The following DOK2 variants were observed in gnomAD, a reference collection of about 807,000 sequenced individuals.
DOK2 encodes the protein docking protein 2, 56kD.
DOK2 carries 28 observed loss-of-function variants against 26.0 expected under a neutral mutation model. The ratio of observed to expected loss-of-function variants is 1.08; its 90% CI spans 0.80 to 1.48. The LOEUF (loss-of-function observed/expected upper bound fraction) is 1.48. Among genes scored for constraint, DOK2 ranks in the 40% most tolerant of loss-of-function variants. DOK2 has a pLI of 0.00. For synonymous variants in DOK2, 282 were observed against 236.9 expected (o/e 1.19, Z -1.75); for missense variants, 682 against 558.2 (o/e 1.22, Z -2.23).
Position 21,910,706 on chromosome 8 carries a change from G to C in DOK2, c.585C>G (p.Pro195=), listed in dbSNP as rs550676966. 5.8e-5 allele frequency: 93 copies of C among 1,614,062 alleles called. No homozygotes were observed. The highest frequency in any genetic ancestry group is 7.5e-5 in the Non-Finnish European group (88 of 1,180,038). The change falls in exon 4 of 5, where the codon CCC becomes CCG. Residue 195 remains proline (P), a synonymous_variant. Transcript: ENST00000276420. ...PEPGTQLYDW[P]YRFLRRFGRD... is the part of the protein sequence containing the mutation. ...GCCCAAAGCGCCGCAGAAACCTGTA[G>C]GGCCAGTCGTACAGCTGGGTCCCTG...
rs1298586622 is a variant in DOK2, at chr8:21,908,936, C to T, written c.*375G>A. 6 of 179,522 alleles carry T rather than the reference C, an allele frequency of 3.3e-5. No individual in the cohort carries two copies. The highest frequency in any genetic ancestry group is 6.9e-5 in the Non-Finnish European group (6 of 86,706). The allele number at this position is 179,522 out of a possible 1,614,324, so 11.1% of individuals were successfully genotyped here. Reference sequence around the variant, plus strand: ...AGGTGCAGGAAGCTGCCGCCATCCCCCTGGGTGCCTGGGCCCAGGCTGTCC... The same window carrying T: ...AGGTGCAGGAAGCTGCCGCCATCCCTCTGGGTGCCTGGGCCCAGGCTGTCC... On this transcript the variant is annotated 3_prime_UTR_variant, in exon 5 of 5. Transcript: ENST00000276420.
chr8:21,912,667 A>G, intron 1 of DOK2, 157 bp from the exon 2 acceptor site: 1 of 705,754 alleles, frequency 1.4e-6, no homozygotes. Flanking sequence ...CCAGGGAGGC[A>G]GAGAAGAGGA....
intron 1 of DOK2, among the ~76,000 whole-genome samples, chr8:21,913,280 A>T (rs1213104818): frequency 6.6e-6 from 1 of 152,168 alleles, no homozygotes; most frequent in Non-Finnish European, 1.5e-5. Flanking sequence ...GAGGCAAGAG[A>T]TGAAAGCAGC....
Position 21,912,045 on chromosome 8 carries a change from C to T in DOK2, c.346-57G>A, listed in dbSNP as rs138692748. 4.4e-4 allele frequency: 664 copies of T among 1,519,528 alleles called. 3 individuals carry two copies. The African/African-American group carries it at 8.0e-3, about 18-fold the overall frequency. 94.1% of individuals were successfully genotyped at this position (1,519,528 alleles called of 1,614,324 possible). On this transcript the variant is annotated intron_variant, in intron 2 of 4. Coordinates refer to ENST00000276420, the MANE Select transcript of DOK2 (RefSeq NM_003974.4). ...CCCCGATCCCCAGGCCCCCCTCTGG[C>T]CCAGGCCTTCTTTCAGGCCACCTCA...
chr8:21,912,222 G>C lies in DOK2; in HGVS notation c.345+7C>G, dbSNP rs574468600. ...CCCTTGCCCTTTCCGCACCCCGCGC[G>C]ACTCACGGGGAAGGCCAGGAGGCAG... On this transcript the variant is annotated splice_region_variant and intron_variant, in intron 2 of 4. Coordinates refer to ENST00000276420, the MANE Select transcript of DOK2 (RefSeq NM_003974.4). The C allele has an allele frequency of 1.2e-5, 19 of 1,552,240 alleles. No homozygotes were observed. The highest frequency in any genetic ancestry group is 1.6e-5 in the Non-Finnish European group (18 of 1,152,160).
At chr8:21,912,728 G>A (rs186664640) in intron 1 of DOK2, among the ~76,000 whole-genome samples, 2 of 152,362 alleles carry the variant, frequency 1.3e-5, no homozygotes, top group African/African-American at 2.4e-5. Flanking sequence ...GCCCCGAGAA[G>A]GAGGCCCACG....
chr8:21,909,428 A>T lies in DOK2; in HGVS notation c.1122T>A (p.Ala374=). 1.2e-6 allele frequency: 2 copies of T among 1,612,908 alleles called. No homozygotes were observed. The highest frequency in any genetic ancestry group is 1.7e-6 in the Non-Finnish European group (2 of 1,179,206). Reference sequence around the variant, plus strand: ...GCTGGAGGCCAGCAGGGTCCCTGTCAGCTGTCGCCTGCCTCCTCCATGCCT... The same window carrying T: ...GCTGGAGGCCAGCAGGGTCCCTGTCTGCTGTCGCCTGCCTCCTCCATGCCT... ...RGEAWRRQAT[A]DRDPAGLQHV... is the part of the protein sequence containing the mutation. The change falls in exon 5 of 5, where the codon GCT becomes GCA. Residue 374 remains alanine, a synonymous_variant. Coordinates refer to ENST00000276420, the MANE Select transcript of DOK2 (RefSeq NM_003974.4).
Position 21,910,687 on chromosome 8 carries a change from A to C in DOK2, c.604T>G (p.Phe202Val). Residue 202 changes from phenylalanine to valine, a missense_variant, in exon 4 of 5, where the codon TTT (phenylalanine) becomes GTT (valine). By Grantham distance (50) the Phe-to-Val change is conservative (BLOSUM62 -1). Coordinates refer to ENST00000276420, the MANE Select transcript of DOK2 (RefSeq NM_003974.4). Reference protein sequence around the residue: ...YDWPYRFLRRFGRDKVTFSFE... With the variant: ...YDWPYRFLRRVGRDKVTFSFE... ...TTCCCACTCACCTTGTCCCGCCCAA[A>C]GCGCCGCAGAAACCTGTAGGGCCAG... is the stretch of plus-strand genomic sequence containing the variant. The C allele has an allele frequency of 6.2e-7, 1 of 1,613,928 alleles. No individual in the cohort carries two copies. Among genetic ancestry groups the C allele is most frequent in the East Asian group, 2.2e-5 (1 of 44,860 alleles).
chr8:21,910,029 T>C (rs930498730), intron 4 of DOK2, 98 bp from the exon 5 acceptor site: 89 of 1,337,866 alleles, frequency 6.7e-5, no homozygotes, highest in Non-Finnish European at 7.9e-5. Flanking sequence ...GTCTCCAGGC[T>C]GGAGTGCAGT....
At chr8:21,912,599 A>AG (rs1240039815) in intron 1 of DOK2, 89 bp from the exon 2 acceptor site, 2 of 1,340,940 alleles carry the variant, frequency 1.5e-6, no homozygotes, top group Non-Finnish European at 2.0e-6. Context: ...GAACCGTGGG[A>AG]GGGGGACTGG....
rs769706992 is a variant in DOK2 at position 21,912,455 on chromosome 8, C to T, written c.119G>A (p.Arg40Gln). 16 of 1,564,398 alleles carry T rather than the reference C, an allele frequency of 1.0e-5. No homozygotes were observed. Among genetic ancestry groups the T allele is most frequent in the African/African-American group, 1.4e-5 (1 of 73,702 alleles). ...LYGGSDCALARLELQEGPEKP... is the reference protein window; with the variant it reads ...LYGGSDCALAQLELQEGPEKP... ...CTCCGGGCCCTCCTGCAGCTCCAGC[C>T]GGGCCAAGGCGCAGTCCGACCCTCC... Residue 40 changes from arginine (R) to glutamine (Q), a missense_variant, in exon 2 of 5, where the codon CGG becomes CAG. Physicochemically the swap from Arg to Gln is conservative, Grantham distance 43 (BLOSUM62 1). Coordinates refer to ENST00000276420, the MANE Select transcript of DOK2 (RefSeq NM_003974.4).
intron 1 of DOK2, 199 bp from the exon 2 acceptor site, chr8:21,912,709 C>A: frequency 1.7e-6 from 1 of 596,176 alleles, no homozygotes; most frequent in South Asian, 2.2e-5. Context: ...AATCGGAGAT[C>A]AGCCGCCAGC....
In DOK2 at chr8:21,909,818, G is replaced by A; in HGVS notation, c.732C>T (p.Ala244=). The A allele has an allele frequency of 6.2e-7, 1 of 1,613,904 alleles. No homozygotes were observed. The highest frequency in any genetic ancestry group is 1.1e-5 in the South Asian group (1 of 91,080). The change falls in exon 5 of 5, where the codon GCC becomes GCT. Residue 244 remains alanine (A), a synonymous_variant. Coordinates refer to ENST00000276420, the MANE Select transcript of DOK2 (RefSeq NM_003974.4). The part of the protein sequence containing the change: ...IFLALEEAIS[A]QKNAAPATPQ... Reference sequence around the variant, plus strand: ...GTGTAGCGGGTGCAGCATTCTTCTGGGCAGAGATGGCCTCTTCCAGGGCCA... The same window carrying A: ...GTGTAGCGGGTGCAGCATTCTTCTGAGCAGAGATGGCCTCTTCCAGGGCCA...
rs1203516349 is a variant in DOK2, at chr8:21,910,782, T to C, written c.509A>G (p.Tyr170Cys). ...ASERCHLRGS[Y>C]TLRAGESALE... ...GGCACTCTCCCCAGCCCGGAGGGTA[T>C]AGGACCCCCGCAGGTGGCACCTCTC... Residue 170 changes from tyrosine to cysteine, a missense_variant, in exon 4 of 5, where the codon TAT becomes TGT. Physicochemically the swap from Tyr to Cys is radical, Grantham distance 194 (BLOSUM62 -2). Coordinates refer to ENST00000276420, the MANE Select transcript of DOK2 (RefSeq NM_003974.4). 1 of 1,613,892 alleles carries C rather than the reference T, an allele frequency of 6.2e-7. No individual in the cohort carries two copies. Among genetic ancestry groups the C allele is most frequent in the South Asian group, 1.1e-5 (1 of 91,022 alleles).
chr8:21,913,205 T>G (rs1809924171), intron 1 of DOK2, among the ~76,000 whole-genome samples: 1 of 152,170 alleles, frequency 6.6e-6, no homozygotes, highest in Admixed American at 6.5e-5. Flanking sequence ...TCCCTCCAGC[T>G]GCCCCTTCCA....
At position 21,912,302 on chromosome 8, in the gene DOK2, C is replaced by G. The variant is rs771093305; in HGVS notation, c.272G>C (p.Arg91Pro). The change falls in exon 2 of 5, where the codon CGC becomes CCC. Residue 91 changes from arginine (R) to proline (P), a missense_variant. Coordinates refer to ENST00000276420, the MANE Select transcript of DOK2 (RefSeq NM_003974.4). ...TSAFFLETKE[R>P]LYLLAAPAAE... ...TGCAGGGGCCGCCAGGAGGTACAGG[C>G]GCTCCTTGGTCTCCAGGAAGAAGGC... 6.2e-7 allele frequency: 1 copy of G among 1,600,430 alleles called. No homozygotes were observed. Among genetic ancestry groups the G allele is most frequent in the East Asian group, 2.3e-5 (1 of 44,010 alleles).
intron 3 of DOK2, 144 bp from the exon 4 acceptor site, chr8:21,911,001 G>A: frequency 2.1e-6 from 2 of 956,344 alleles, no homozygotes; most frequent in Non-Finnish European, 3.0e-6. Flanking sequence ...CTGGGTCTTG[G>A]AGGCTGAGCT....
At chr8:21,911,332 C>T (rs1259728761) in intron 3 of DOK2, among the ~76,000 whole-genome samples, 3 of 152,174 alleles carry the variant, frequency 2.0e-5, no homozygotes, top group Non-Finnish European at 4.4e-5. Context: ...TGGGGCCAGG[C>T]GCAGTGGCTC....
In DOK2 at chr8:21,909,707, AGGC is replaced by A. The variant is rs755930290; in HGVS notation, c.840_842del (p.Pro281del). ...GAGCAGGCACCGGTGTGGTGGGTGA[AGGC>A]GGCGGCAGTGAGTCATGCGGCCGAG... On this transcript the variant is annotated inframe_deletion, in exon 5 of 5. Coordinates refer to ENST00000276420, the MANE Select transcript of DOK2 (RefSeq NM_003974.4). 7.4e-6 allele frequency: 12 copies of A among 1,613,260 alleles called. No individual in the cohort carries two copies. Among genetic ancestry groups the A allele is most frequent in the Non-Finnish European group, 1.0e-5 (12 of 1,179,980 alleles).
Sources: allele counts gnomAD v4.1 joint callset (sites outside exome capture counted in the v4.1 genomes callset), GRCh38; gene constraint gnomAD v4.1.1; transcripts MANE v1.5; gene names NCBI Gene and HGNC (gene_info 2026-07-23, HGNC 2026-07-21).